Variants in PRKCE observed in about 807,000 individuals in gnomAD.
PRKCE encodes the protein protein kinase C epsilon.
In PRKCE, 16 loss-of-function variants were observed where a neutral mutation model predicts 85.4. That is an observed-to-expected ratio of 0.19 (90% CI 0.13 to 0.28). PRKCE has a LOEUF of 0.28. Among genes scored for constraint, PRKCE ranks in the 10% least tolerant of loss-of-function variants. The probability of loss-of-function intolerance (pLI) is 1.00; values close to 1 mark genes in which losing one functional copy is unlikely to be tolerated. For synonymous variants in PRKCE, 388 were observed against 371.5 expected (o/e 1.04, Z -0.51); for missense variants, 573 against 975.2 (o/e 0.59, Z 5.49).
At chr2:46,044,262 T>G (rs1708385109) in intron 10 of PRKCE, among the ~76,000 whole-genome samples, 1 of 152,204 alleles carries the variant, frequency 6.6e-6, no homozygotes, top group Non-Finnish European at 1.5e-5. Context: ...GCCCTTACAT[T>G]CTTATTTAGT....
At chr2:46,179,543 A>T (rs1234516252) in intron 14 of PRKCE, among the ~76,000 whole-genome samples, 2 of 152,162 alleles carry the variant, frequency 1.3e-5, no homozygotes, top group East Asian at 1.9e-4. Flanking sequence ...CTAAGACCTT[A>T]TTTCTGAAAT....
chr2:45,928,211 G>A (rs1268519603), intron 2 of PRKCE, among the ~76,000 whole-genome samples: 1 of 152,172 alleles, frequency 6.6e-6, no homozygotes, highest in Non-Finnish European at 1.5e-5. Flanking sequence ...TTTGCTTGTG[G>A]TGTGTGACCA....
In PRKCE at chr2:45,986,539, G is replaced by A. The variant is rs74815201; in HGVS notation, c.823+1859G>A. Among the ~76,000 whole-genome samples the A allele has an allele frequency of 9.9e-3, 1,513 of 152,308 alleles. 89 individuals carry two copies. In the East Asian group the frequency reaches 0.19, roughly 19 times the overall value. ...TCGGGTGTCAGGGATAGAAATCCAGGAGGAGGTGAGTGGACAAAGTCATCA... is the reference window on the plus strand; with the variant it reads ...TCGGGTGTCAGGGATAGAAATCCAGAAGGAGGTGAGTGGACAAAGTCATCA... On this transcript the variant is annotated intron_variant, in intron 6 of 14. Coordinates refer to ENST00000306156, the MANE Select transcript of PRKCE (RefSeq NM_005400.3).
intron 2 of PRKCE, among the ~76,000 whole-genome samples, chr2:45,922,979 G>T (rs1033970572): frequency 1.4e-4 from 22 of 152,136 alleles, no homozygotes; most frequent in African/African-American, 5.1e-4. Flanking sequence ...AGGGCTTGAC[G>T]ATTATTTCCT....
intron 11 of PRKCE, among the ~76,000 whole-genome samples, chr2:46,107,758 G>C (rs1671868830): frequency 6.6e-6 from 1 of 152,158 alleles, no homozygotes; most frequent in Non-Finnish European, 1.5e-5. Context: ...ATTCTAATAG[G>C]TGGGTAGTGG....
chr2:45,814,766 G>C (rs2105290180), intron 1 of PRKCE, among the ~76,000 whole-genome samples: 1 of 152,268 alleles, frequency 6.6e-6, no homozygotes, highest in African/African-American at 2.4e-5. Flanking sequence ...TCCTAGCTCT[G>C]GACAGTGTCT....
Position 45,744,413 on chromosome 2 carries a change from T to TTTTCTTTC in PRKCE, c.348+92033_348+92040dup, listed in dbSNP as rs1164620024. Among the ~76,000 whole-genome samples, 46 of 117,740 alleles carry TTTTCTTTC rather than the reference T, an allele frequency of 3.9e-4. 1 individual carries two copies. Among genetic ancestry groups the TTTTCTTTC allele is most frequent in the Non-Finnish European group, 6.1e-4 (34 of 55,558 alleles). 77.2% of individuals were successfully genotyped at this position (117,740 alleles called of 152,430 possible). ...GCCTGGTCTTTCTCTCTTTCTTTTC[T>TTTTCTTTC]TTTCTTTCTTTCTTTCTTTCTTTCT... On this transcript the variant is annotated intron_variant, in intron 1 of 14. Coordinates refer to ENST00000306156, the MANE Select transcript of PRKCE (RefSeq NM_005400.3).
chr2:45,849,137 T>C (rs1415877279), intron 2 of PRKCE, among the ~76,000 whole-genome samples: 2 of 152,174 alleles, frequency 1.3e-5, no homozygotes, highest in Admixed American at 1.3e-4. Flanking sequence ...AGCAAGAAAA[T>C]GAAATGCCTT....
Position 46,184,166 on chromosome 2 carries a change from T to C in PRKCE, c.2068-569T>C, listed in dbSNP as rs1680266295. On this transcript the variant is annotated intron_variant, in intron 14 of 14. Transcript: ENST00000306156. The surrounding 1 kb of genome is among the most constrained non-coding windows in gnomAD (Gnocchi z 5.0). The stretch of plus-strand genomic sequence containing the variant: ...TCTAGACAAAAGCATAAAAACGTCA[T>C]TGCAAGTCAATGTGCTGAGTTTAAT... 6.6e-6 allele frequency among the ~76,000 whole-genome samples: 1 copy of C among 152,236 alleles called. No homozygotes were observed. The highest frequency in any genetic ancestry group is 2.4e-5 in the African/African-American group (1 of 41,526).
chr2:46,174,982 C>T (rs935766625), intron 14 of PRKCE, among the ~76,000 whole-genome samples: 15 of 152,090 alleles, frequency 9.9e-5, no homozygotes, highest in South Asian at 2.1e-4. Context: ...TGAACCACCA[C>T]GCCCAGCCGA....
rs573815340 is a variant in PRKCE, at chr2:46,129,452, G to A, written c.1593-15641G>A. ...ATTTTTTTTATATGTGTTGATTGTC[G>A]CTTTCCACACTAGGATATAAATGCC... On this transcript the variant is annotated intron_variant, in intron 11 of 14. Transcript: ENST00000306156. Among the ~76,000 whole-genome samples the A allele has an allele frequency of 5.3e-5, 8 of 152,280 alleles. 1 individual carries two copies. The South Asian group carries it at 1.5e-3, about 28-fold the overall frequency.
intron 2 of PRKCE, among the ~76,000 whole-genome samples, chr2:45,923,349 G>A (rs537431970): frequency 2.0e-5 from 3 of 152,222 alleles, no homozygotes; most frequent in Non-Finnish European, 4.4e-5. Context: ...GCTAACAAGC[G>A]TTTGTGTGCC....
intron 2 of PRKCE, among the ~76,000 whole-genome samples, chr2:45,944,026 T>C (rs1010755138): frequency 1.3e-5 from 2 of 152,228 alleles, no homozygotes; most frequent in Non-Finnish European, 2.9e-5. Flanking sequence ...GTGGGGGCGA[T>C]GGCTGAGTCA....
chr2:45,983,249 G>C (rs1028235848), intron 5 of PRKCE, among the ~76,000 whole-genome samples: 19 of 152,150 alleles, frequency 1.2e-4, no homozygotes, highest in Non-Finnish European at 2.5e-4. Flanking sequence ...TTCAAGTCGA[G>C]CTCCCTTTCC....
intron 1 of PRKCE, among the ~76,000 whole-genome samples, chr2:45,695,057 G>A (rs1006403123): frequency 8.5e-5 from 13 of 152,160 alleles, no homozygotes; most frequent in Admixed American, 7.2e-4. Context: ...CACATACAAG[G>A]TGGCAGTTCC....
At chr2:45,703,199 C>T (rs997743250) in intron 1 of PRKCE, among the ~76,000 whole-genome samples, 2 of 151,726 alleles carry the variant, frequency 1.3e-5, no homozygotes, top group African/African-American at 4.8e-5. Flanking sequence ...GTGCTGTTTG[C>T]TTTCCTCCTA....
intron 2 of PRKCE, among the ~76,000 whole-genome samples, chr2:45,869,954 C>T (rs189659722): frequency 6.6e-6 from 1 of 152,262 alleles, no homozygotes; most frequent in East Asian, 1.9e-4. Flanking sequence ...GGTCTGTCCA[C>T]CTCGGCCTCC....
At chr2:45,676,857 A>G (rs575528332) in intron 1 of PRKCE, 24 of 152,328 alleles carry the variant, frequency 1.6e-4, no homozygotes, top group Middle Eastern at 3.4e-3. Context: ...CCATCAAGCT[A>G]GGTCTTGGGA....
Position 45,774,507 on chromosome 2 carries a change from C to T in PRKCE, c.349-68493C>T, listed in dbSNP as rs1011022027. Among the ~76,000 whole-genome samples, 1 of 152,196 alleles carries T rather than the reference C, an allele frequency of 6.6e-6. No individual in the cohort carries two copies. The highest frequency in any genetic ancestry group is 6.5e-5 in the Admixed American group (1 of 15,286). On this transcript the variant is annotated intron_variant, in intron 1 of 14. Transcript: ENST00000306156. This position sits in a 1 kb window ranked among gnomAD's most constrained non-coding sequence, Gnocchi z 4.3. ...TAAATTCTCTTCCCTCCCTGTCTCT[C>T]CTGTCTCCTTTCCATCATGCCAAAG... is the stretch of plus-strand genomic sequence containing the variant.
Sources: allele counts gnomAD v4.1 joint callset (sites outside exome capture counted in the v4.1 genomes callset), GRCh38; gene constraint gnomAD v4.1.1; non-coding constraint Gnocchi (gnomAD v3.1); transcripts MANE v1.5; gene names NCBI Gene and HGNC (gene_info 2026-07-23, HGNC 2026-07-21).